Variants in SLC1A5 observed in about 807,000 individuals in gnomAD.
SLC1A5 encodes the protein neutral amino acid transporter B(0).
SLC1A5 carries 25 observed loss-of-function variants against 34.9 expected under a neutral mutation model. The observed-to-expected ratio is 0.72, with a 90% CI of 0.52 to 1.00. The LOEUF is 1.00. SLC1A5 is among the 50% of genes least tolerant of loss of function. The probability of loss-of-function intolerance (pLI) is 0.00; values close to 1 mark genes in which losing one functional copy is unlikely to be tolerated. For missense variants in SLC1A5, 637 were observed against 740.0 expected (o/e 0.86, Z 1.61); for synonymous variants, 351 against 341.2 (o/e 1.03, Z -0.32).
In SLC1A5 at chr19:46,784,502, C is replaced by G; in HGVS notation, c.609+15G>C. Reference sequence around the variant, plus strand: ...TGTCCACCCCCATCCCCTCAGGACACCCCTGAGGACTCACTGAGCGAAAGG... The same window carrying G: ...TGTCCACCCCCATCCCCTCAGGACAGCCCTGAGGACTCACTGAGCGAAAGG... On this transcript the variant is annotated intron_variant, in intron 2 of 7. Transcript: ENST00000542575. The G allele has an allele frequency of 6.2e-7, 1 of 1,613,806 alleles. No homozygotes were observed. Among genetic ancestry groups the G allele is most frequent in the Non-Finnish European group, 8.5e-7 (1 of 1,179,748 alleles).
Position 46,787,489 on chromosome 19 carries a change from G to A in SLC1A5, c.477C>T (p.Ser159=), listed in dbSNP as rs746244907. Residue 159 remains serine (S), a synonymous_variant, in exon 1 of 8, where the codon TCC becomes TCT. Coordinates refer to ENST00000542575, the MANE Select transcript of SLC1A5 (RefSeq NM_005628.3). This position sits in a 1 kb window ranked among gnomAD's most constrained non-coding sequence, Gnocchi z 5.2. ...CTCCCACGGAGGCGTTGATGGCGGC[G>A]GAGGCGGCGCCCGGCTGCAGAGCCA... ...LALALQPGAA[S]AAINASVGAA... is the part of the protein sequence containing the mutation. 1.9e-6 allele frequency: 3 copies of A among 1,587,138 alleles called. No homozygotes were observed. The highest frequency in any genetic ancestry group is 2.3e-5 in the South Asian group (2 of 87,546).
At chr19:46,782,285 A>C in intron 4 of SLC1A5, 98 bp downstream of exon 4, 1 of 930,888 alleles carries the variant, frequency 1.1e-6, no homozygotes, top group East Asian at 2.6e-5. Context: ...GAGTGAATAG[A>C]GGGTGCCCCA....
Position 46,787,732 on chromosome 19 carries a change from C to A in SLC1A5, c.234G>T (p.Ala78=), listed in dbSNP as rs751973271. ...LGLGVSGAGG[A]LALGPERLSA... Reference sequence around the variant, plus strand: ...TCAAGCGCTCCGGGCCCAACGCCAGCGCACCCCCGGCCCCCGACACCCCCA... The same window carrying A: ...TCAAGCGCTCCGGGCCCAACGCCAGAGCACCCCCGGCCCCCGACACCCCCA... Residue 78 remains alanine, a synonymous_variant, in exon 1 of 8, where the codon GCG becomes GCT. Coordinates refer to ENST00000542575, the MANE Select transcript of SLC1A5 (RefSeq NM_005628.3). The surrounding 1 kb of genome is among the most constrained non-coding windows in gnomAD (Gnocchi z 5.2). The A allele has an allele frequency of 3.8e-6, 6 of 1,561,264 alleles. No homozygotes were observed. In the African/African-American group the frequency reaches 5.4e-5, roughly 14 times the overall value.
chr19:46,776,269 C>T (rs1009019723), intron 7 of SLC1A5, among the ~76,000 whole-genome samples: 2 of 149,326 alleles, frequency 1.3e-5, no homozygotes, highest in South Asian at 2.1e-4. Flanking sequence ...GGCACAATCT[C>T]GGCTCACTGC....
Position 46,781,103 on chromosome 19 carries a change from C to A in SLC1A5, c.824+1280G>T, listed in dbSNP as rs192106692. 4.6e-3 allele frequency among the ~76,000 whole-genome samples: 703 copies of A among 152,334 alleles called. 3 individuals are homozygous for A. The highest frequency in any genetic ancestry group is 7.0e-3 in the Non-Finnish European group (475 of 68,028). On this transcript the variant is annotated intron_variant, in intron 4 of 7. Transcript: ENST00000542575. ...ACATGATGTTGAATCTTCCCAGCAA[C>A]CCCCGGAGGGAGGTCCTATGAGTCA...
At chr19:46,782,345 A>ACCCCCCCCCCCCCCCCCC in intron 4 of SLC1A5, 38 bp downstream of exon 4, 22 of 292,420 alleles carry the variant, frequency 7.5e-5, no homozygotes, top group Middle Eastern at 1.1e-3. Context: ...CCGACCCTCC[A>ACCCCCCCCCCCCCCCCCC]ACCCCACCCA....
Position 46,777,237 on chromosome 19 carries a change from C to T in SLC1A5, c.1227G>A (p.Leu409=). Residue 409 remains leucine, a synonymous_variant, in exon 6 of 8, where the codon TTG becomes TTA. Transcript: ENST00000542575. ...VFIAQLSQQS[L]DFVKIITILV... ...GGATGGTGATGATCTTTACGAAGTCCAAGGACTGCTGGCTGAGCTGTGCAA... is the reference window on the plus strand; with the variant it reads ...GGATGGTGATGATCTTTACGAAGTCTAAGGACTGCTGGCTGAGCTGTGCAA... 6.2e-7 allele frequency: 1 copy of T among 1,608,342 alleles called. No individual in the cohort carries two copies. Among genetic ancestry groups the T allele is most frequent in the East Asian group, 2.2e-5 (1 of 44,764 alleles).
intron 5 of SLC1A5, 43 bp from the exon 6 acceptor site, chr19:46,777,448 G>C: frequency 6.5e-7 from 1 of 1,539,810 alleles, no homozygotes; most frequent in Non-Finnish European, 8.8e-7. Flanking sequence ...CCTGCTGACC[G>C]GGGCTCCGCC....
intron 4 of SLC1A5, 41 bp downstream of exon 4, chr19:46,782,342 T>TGCCCCCCCCCCCCCCCCCCCCCCC: frequency 1.9e-6 from 1 of 523,372 alleles, no homozygotes; most frequent in East Asian, 4.0e-5. Context: ...AGACCGACCC[T>TGCCCCCCCCCCCCCCCCCCCCCCC]CCAACCCCAC....
chr19:46,782,360 CAGCCTCCT>C lies in SLC1A5; in HGVS notation c.824+15_824+22del. 4 of 1,332,684 alleles carry C rather than the reference CAGCCTCCT, an allele frequency of 3.0e-6. No homozygotes were observed. The highest frequency in any genetic ancestry group is 3.6e-5 in the Admixed American group (2 of 56,210). The allele number at this position is 1,332,684 out of a possible 1,614,324, so 82.6% of individuals were successfully genotyped here. A position where few individuals can be genotyped will look rare whatever the true frequency, so the allele number is the denominator to read the frequency against. Reference sequence around the variant, plus strand: ...CCGACCCTCCAACCCCACCCACCCCCAGCCTCCTCTCCCACCACCTACCACATGATCCA... The same window carrying C: ...CCGACCCTCCAACCCCACCCACCCCCCTCCCACCACCTACCACATGATCCA... On this transcript the variant is annotated intron_variant, in intron 4 of 7. Coordinates refer to ENST00000542575, the MANE Select transcript of SLC1A5 (RefSeq NM_005628.3).
At position 46,775,761 on chromosome 19, in the gene SLC1A5, A is replaced by G; in HGVS notation, c.1389-14T>C. ...CAGGACCGGTCGCTAAAGGGGTAGA[A>G]ATGACAGCAAAGTAAGCGGGAGGGG... On this transcript the variant is annotated splice_polypyrimidine_tract_variant and intron_variant, in intron 7 of 7. Coordinates refer to ENST00000542575, the MANE Select transcript of SLC1A5 (RefSeq NM_005628.3). 1 of 1,609,342 alleles carries G rather than the reference A, an allele frequency of 6.2e-7. No individual in the cohort carries two copies. The highest frequency in any genetic ancestry group is 8.5e-7 in the Non-Finnish European group (1 of 1,176,506).
In SLC1A5 at chr19:46,784,141, A is replaced by C; in HGVS notation, c.613T>G (p.Ser205Ala). Reference protein sequence around the residue: ...NLVSAAFRSYSTTYEERNITG... With the variant: ...NLVSAAFRSYATTYEERNITG... Reference sequence around the variant, plus strand: ...ATATTCCTCTCTTCATAGGTGGTAGAGTACTGTAGGTGGGGTTGGGAAGAG... The same window carrying C: ...ATATTCCTCTCTTCATAGGTGGTAGCGTACTGTAGGTGGGGTTGGGAAGAG... Residue 205 changes from serine (S) to alanine (A), a missense_variant, in exon 3 of 8, where the codon TCT becomes GCT. Coordinates refer to ENST00000542575, the MANE Select transcript of SLC1A5 (RefSeq NM_005628.3). 1 of 1,612,982 alleles carries C rather than the reference A, an allele frequency of 6.2e-7. No individual in the cohort carries two copies. Among genetic ancestry groups the C allele is most frequent in the Non-Finnish European group, 8.5e-7 (1 of 1,179,060 alleles).
Position 46,777,019 on chromosome 19 carries a change from G to A in SLC1A5, c.1344C>T (p.Leu448=). The A allele has an allele frequency of 6.2e-7, 1 of 1,614,002 alleles. No individual in the cohort carries two copies. The highest frequency in any genetic ancestry group is 8.5e-7 in the Non-Finnish European group (1 of 1,180,010). ...TLAIILEAVN[L]PVDHISLILA... Reference sequence around the variant, plus strand: ...GGATCAAGGAGATATGGTCGACCGGGAGGTTGACTGCTTCGAGGATGATGG... The same window carrying A: ...GGATCAAGGAGATATGGTCGACCGGAAGGTTGACTGCTTCGAGGATGATGG... The change falls in exon 7 of 8, where the codon CTC becomes CTT. Residue 448 remains leucine, a synonymous_variant. Coordinates refer to ENST00000542575, the MANE Select transcript of SLC1A5 (RefSeq NM_005628.3).
chr19:46,785,908 C>T (rs967216868), intron 1 of SLC1A5, among the ~76,000 whole-genome samples: 4 of 152,082 alleles, frequency 2.6e-5, no homozygotes, highest in African/African-American at 4.8e-5. Flanking sequence ...GGCAAAACCC[C>T]GTCTCTACTA....
intron 3 of SLC1A5, 86 bp from the exon 4 acceptor site, chr19:46,782,635 C>A: frequency 6.6e-7 from 1 of 1,513,194 alleles, no homozygotes. Flanking sequence ...ACCACTGGGA[C>A]CCAGCAGAGA....
At chr19:46,782,347 C>G in intron 4 of SLC1A5, 36 bp downstream of exon 4, 8 of 297,834 alleles carry the variant, frequency 2.7e-5, no homozygotes, top group East Asian at 7.0e-5. Flanking sequence ...GACCCTCCAA[C>G]CCCACCCACC....
Position 46,778,658 on chromosome 19 carries a change from CCA to C in SLC1A5, c.1058+15_1058+16del. 7.2e-7 allele frequency: 1 copy of C among 1,394,968 alleles called. No homozygotes were observed. Among genetic ancestry groups the C allele is most frequent in the Non-Finnish European group, 1.0e-6 (1 of 989,022 alleles). The allele number at this position is 1,394,968 out of a possible 1,614,324, so 86.4% of individuals were successfully genotyped here. A position where few individuals can be genotyped will look rare whatever the true frequency, so the allele number is the denominator to read the frequency against. On this transcript the variant is annotated intron_variant, in intron 5 of 7. Transcript: ENST00000542575. ...AGCGGATTAAACATCCCACCCTAGC[CCA>C]CCCCAAGGCCGTACCTGGAAGAGGT...
At chr19:46,782,583 C>T (rs1439780268) in intron 3 of SLC1A5, 34 bp from the exon 4 acceptor site, 7 of 1,611,562 alleles carry the variant, frequency 4.3e-6, no homozygotes, top group African/African-American at 1.3e-5. Context: ...GTGGAAAGGA[C>T]ACTCAGTCTA....
intron 1 of SLC1A5, chr19:46,784,852 C>G (rs149757730): frequency 7.2e-7 from 1 of 1,389,756 alleles, no homozygotes; most frequent in Non-Finnish European, 9.3e-7. Context: ...CAGGGCAGGT[C>G]GCCCCGGGCC....
Sources: allele counts gnomAD v4.1 joint callset (sites outside exome capture counted in the v4.1 genomes callset), GRCh38; gene constraint gnomAD v4.1.1; non-coding constraint Gnocchi (gnomAD v3.1); transcripts MANE v1.5; gene names NCBI Gene and HGNC (gene_info 2026-07-23, HGNC 2026-07-21).